The following FAM107B variants were observed in gnomAD, a reference collection of about 807,000 sequenced individuals.
FAM107B encodes family with sequence similarity 107 member B.
A neutral mutation model predicts 31.5 loss-of-function variants in FAM107B; 21 were observed. The ratio of observed to expected loss-of-function variants is 0.67; its 90% CI spans 0.47 to 0.96. The LOEUF (loss-of-function observed/expected upper bound fraction) is 0.96, where lower values mean the gene tolerates loss of function less well. FAM107B is among the 40% of genes least tolerant of loss of function. The pLI is 0.00. For synonymous variants in FAM107B, 157 were observed against 141.5 expected (o/e 1.11, Z -0.78); for missense variants, 452 against 377.1 (o/e 1.20, Z -1.64).
intron 2 of FAM107B, among the ~76,000 whole-genome samples, chr10:14,549,439 A>G (rs1392762101): frequency 6.6e-6 from 1 of 152,256 alleles, no homozygotes; most frequent in African/African-American, 2.4e-5. Context: ...TTTTGGCCTC[A>G]GCTTTTCCAT....
intron 2 of FAM107B, among the ~76,000 whole-genome samples, chr10:14,658,072 A>T (rs971870881): frequency 6.6e-6 from 1 of 152,170 alleles, no homozygotes; most frequent in South Asian, 2.1e-4. Flanking sequence ...TCGGCCCCCC[A>T]AAGTGCTGGG....
chr10:14,553,864 A>G (rs1002758617), intron 2 of FAM107B, among the ~76,000 whole-genome samples: 4 of 152,152 alleles, frequency 2.6e-5, no homozygotes, highest in Non-Finnish European at 5.9e-5. Context: ...AGGGCCAGAG[A>G]GGCTAAGAAA....
intron 2 of FAM107B, among the ~76,000 whole-genome samples, chr10:14,562,032 C>A (rs1332275083): frequency 1.3e-5 from 2 of 152,296 alleles, no homozygotes; most frequent in East Asian, 3.9e-4. Flanking sequence ...CCGATCCACC[C>A]GCCTTGGCCT....
intron 2 of FAM107B, among the ~76,000 whole-genome samples, chr10:14,586,144 C>A (rs1292190411): frequency 6.6e-6 from 1 of 152,146 alleles, no homozygotes; most frequent in African/African-American, 2.4e-5. Context: ...ACCTCCTGAC[C>A]CGAATTCCTC....
chr10:14,664,978 T>C (rs565821442), intron 2 of FAM107B, among the ~76,000 whole-genome samples: 2 of 152,280 alleles, frequency 1.3e-5, no homozygotes, highest in Non-Finnish European at 2.9e-5. Context: ...GAATAAATCC[T>C]GAATAAAGAA....
chr10:14,770,464 AG>A (rs1187137018), intron 1 of FAM107B, among the ~76,000 whole-genome samples: 19 of 152,136 alleles, frequency 1.2e-4, no homozygotes, highest in African/African-American at 4.6e-4. Flanking sequence ...CAGAAGTTGC[AG>A]TGAGCCGAGA....
intron 2 of FAM107B, among the ~76,000 whole-genome samples, chr10:14,633,526 ATTAAC>A (rs1853420629): frequency 2.0e-5 from 3 of 152,236 alleles, no homozygotes; most frequent in African/African-American, 7.2e-5. Flanking sequence ...TCATTCTTAC[ATTAAC>A]TTAATTACAT....
intron 2 of FAM107B, 82 bp downstream of exon 2, chr10:14,667,552 A>C: frequency 1.1e-5 from 16 of 1,414,300 alleles, no homozygotes; most frequent in Non-Finnish European, 1.5e-5. Context: ...TTTCCTTTGC[A>C]ATCTGAAAAG....
chr10:14,688,332 T>A (rs1459135709), intron 1 of FAM107B, among the ~76,000 whole-genome samples: 1 of 152,184 alleles, frequency 6.6e-6, no homozygotes, highest in East Asian at 1.9e-4. Flanking sequence ...GCAGAAGGCC[T>A]ATTGTGGGAC....
At chr10:14,629,424 T>C (rs1209233626) in intron 2 of FAM107B, among the ~76,000 whole-genome samples, 2 of 1,636 alleles carry the variant, frequency 1.2e-3, no homozygotes, top group African/African-American at 3.3e-3. Context: ...ATATAATATA[T>C]ATAATATATA....
intron 1 of FAM107B, among the ~76,000 whole-genome samples, chr10:14,694,298 C>T (rs1196911189): frequency 1.3e-5 from 2 of 152,194 alleles, no homozygotes; most frequent in East Asian, 3.8e-4. Context: ...TCCATATTGT[C>T]TTCCATAATG....
intron 1 of FAM107B, among the ~76,000 whole-genome samples, chr10:14,769,526 G>A (rs1403674618): frequency 6.6e-6 from 1 of 151,892 alleles, no homozygotes; most frequent in African/African-American, 2.4e-5. Context: ...CTGGGATTAC[G>A]GGCGCCCGCC....
chr10:14,761,269 T>A (rs956655364), intron 1 of FAM107B, among the ~76,000 whole-genome samples: 2 of 152,184 alleles, frequency 1.3e-5, no homozygotes, highest in Non-Finnish European at 2.9e-5. Flanking sequence ...AAACATTGGT[T>A]TTGCCTTTGA....
chr10:14,580,277 G>A (rs759767521), intron 2 of FAM107B, among the ~76,000 whole-genome samples: 12 of 151,922 alleles, frequency 7.9e-5, no homozygotes, highest in South Asian at 4.2e-4. Flanking sequence ...GGAGAATGGC[G>A]TGAACCCAGG....
rs1199501565 is a variant in FAM107B, at chr10:14,520,411, T to G, written c.*779A>C. On this transcript the variant is annotated 3_prime_UTR_variant, in exon 5 of 5. Transcript: ENST00000181796. ...GGAAGGTTATTCCATCTGAAAGAAC[T>G]AGATCAGCAAGACATTTAAAAACAA... 6.6e-6 allele frequency: 1 copy of G among 152,234 alleles called. No homozygotes were observed. Among genetic ancestry groups the G allele is most frequent in the East Asian group, 1.9e-4 (1 of 5,200 alleles). 9.4% of individuals were successfully genotyped at this position (152,234 alleles called of 1,614,324 possible).
chr10:14,614,780 G>T (rs1327855174), intron 2 of FAM107B, among the ~76,000 whole-genome samples: 2 of 152,014 alleles, frequency 1.3e-5, no homozygotes, highest in Non-Finnish European at 2.9e-5. Context: ...TGAGACCAGG[G>T]TTTCAAGCAG....
At chr10:14,769,635 C>T (rs1444829210) in intron 1 of FAM107B, among the ~76,000 whole-genome samples, 2 of 152,176 alleles carry the variant, frequency 1.3e-5, no homozygotes, top group African/African-American at 4.8e-5. Context: ...TCACCCCTCA[C>T]TCAGCCTCCC....
chr10:14,548,624 C>A (rs980129090), intron 2 of FAM107B: 4 of 985,368 alleles, frequency 4.1e-6, no homozygotes, highest in Non-Finnish European at 4.8e-6. Context: ...CTGAGGAGGG[C>A]TCTCTCCAGC....
chr10:14,712,623 A>AAAAAAG (rs1249896852), intron 1 of FAM107B, among the ~76,000 whole-genome samples: 2 of 82,216 alleles, frequency 2.4e-5, no homozygotes, highest in Admixed American at 1.4e-4. Flanking sequence ...AAAAACAAAA[A>AAAAAAG]AAAAAGAAGA....
Sources: allele counts gnomAD v4.1 joint callset (sites outside exome capture counted in the v4.1 genomes callset), GRCh38; gene constraint gnomAD v4.1.1; transcripts MANE v1.5; gene names NCBI Gene and HGNC (gene_info 2026-07-23, HGNC 2026-07-21).